Variants in MSI2 observed in about 807,000 individuals in gnomAD.
The protein encoded by MSI2 is RNA-binding protein Musashi homolog 2.
MSI2 carries 17 observed loss-of-function variants against 45.6 expected under a neutral mutation model. That is an observed-to-expected ratio of 0.37 (90% confidence interval 0.26 to 0.56). MSI2 has a LOEUF of 0.56. Ranked by LOEUF, MSI2 falls within the 20% of genes least tolerant of loss-of-function variation. The probability of loss-of-function intolerance (pLI) is 0.77; values close to 1 mark genes in which losing one functional copy is unlikely to be tolerated. For synonymous variants in MSI2, 156 were observed against 158.2 expected, an observed-to-expected ratio of 0.99 and a Z score of 0.11; for missense variants, 293 against 444.2, an observed-to-expected ratio of 0.66 and a Z score of 3.06.
intron 6 of MSI2, among the ~76,000 whole-genome samples, chr17:57,526,182 G>A (rs1002560702): frequency 6.6e-6 from 1 of 152,080 alleles, no homozygotes. Flanking sequence ...CCAAGATCAT[G>A]CCATTGCACT....
chr17:57,504,862 C>T lies in MSI2; in HGVS notation c.406-24814C>T, dbSNP rs148574268. ...AGGAGAGTTGCTTGAATCTGGGAGGCGGAGGTTGTGGTGAGCCGAGATCAC... is the reference window on the plus strand; with the variant it reads ...AGGAGAGTTGCTTGAATCTGGGAGGTGGAGGTTGTGGTGAGCCGAGATCAC... On this transcript the variant is annotated intron_variant, in intron 6 of 13. Coordinates refer to ENST00000284073, the MANE Select transcript of MSI2 (RefSeq NM_138962.4). 7.7e-5 allele frequency among the ~76,000 whole-genome samples: 11 copies of T among 143,672 alleles called. No homozygotes were observed. The East Asian group carries it at 2.3e-3, about 30-fold the overall frequency. 94.3% of individuals were successfully genotyped at this position (143,672 alleles called of 152,430 possible).
chr17:57,561,173 C>T (rs1477464938), intron 7 of MSI2, among the ~76,000 whole-genome samples: 2 of 152,168 alleles, frequency 1.3e-5, no homozygotes, highest in Non-Finnish European at 2.9e-5. Context: ...CCAGAAGAAA[C>T]CAAGCGAAGT....
intron 6 of MSI2, among the ~76,000 whole-genome samples, chr17:57,424,151 T>C (rs762867682): frequency 2.0e-5 from 3 of 152,230 alleles, no homozygotes; most frequent in Non-Finnish European, 4.4e-5. Context: ...GAGCTTGTTA[T>C]TACCTGGAAA....
At chr17:57,300,407 T>G (rs532180707) in intron 5 of MSI2, among the ~76,000 whole-genome samples, 4 of 152,318 alleles carry the variant, frequency 2.6e-5, no homozygotes, top group Admixed American at 6.5e-5. Context: ...AGTAAAGGTT[T>G]CCGTAGGGCT....
intron 11 of MSI2, among the ~76,000 whole-genome samples, chr17:57,671,175 G>A (rs1164718726): frequency 6.6e-6 from 1 of 152,114 alleles, no homozygotes. Flanking sequence ...CCTGATCACC[G>A]CAATGAGCCC....
chr17:57,686,337 A>C (rs1913881119), downstream of MSI2, among the ~76,000 whole-genome samples: 1 of 152,364 alleles, frequency 6.6e-6, no homozygotes, highest in South Asian at 2.1e-4. Flanking sequence ...AATAGAAAAC[A>C]AATCAGCAAA....
At chr17:57,328,789 A>G (rs932523524) in intron 5 of MSI2, among the ~76,000 whole-genome samples, 3 of 151,054 alleles carry the variant, frequency 2.0e-5, no homozygotes, top group Non-Finnish European at 4.4e-5. Flanking sequence ...ACATTCCTCT[A>G]TATGGAATAG....
chr17:57,427,974 A>AT (rs2143353558), intron 6 of MSI2, among the ~76,000 whole-genome samples: 1 of 152,288 alleles, frequency 6.6e-6, no homozygotes, highest in South Asian at 2.1e-4. Flanking sequence ...TAGATTAGCT[A>AT]TATAGACATA....
At chr17:57,555,675 C>T (rs1293780875) in intron 7 of MSI2, among the ~76,000 whole-genome samples, 1 of 152,226 alleles carries the variant, frequency 6.6e-6, no homozygotes, top group Non-Finnish European at 1.5e-5. Flanking sequence ...ATCTTAACTG[C>T]AGGAGACCAT....
intron 6 of MSI2, among the ~76,000 whole-genome samples, chr17:57,464,744 C>G (rs2085299877): frequency 6.6e-6 from 1 of 152,210 alleles, no homozygotes; most frequent in Non-Finnish European, 1.5e-5. Flanking sequence ...GTTCCTGTCC[C>G]TTCCTCTTTT....
At chr17:57,383,984 T>C (rs1301961383) in intron 5 of MSI2, among the ~76,000 whole-genome samples, 1 of 152,210 alleles carries the variant, frequency 6.6e-6, no homozygotes, top group Non-Finnish European at 1.5e-5. Context: ...AGATCCATCA[T>C]GGGAAGTGTG....
At chr17:57,666,289 G>C (rs1912357035) in intron 11 of MSI2, among the ~76,000 whole-genome samples, 1 of 152,222 alleles carries the variant, frequency 6.6e-6, no homozygotes, top group African/African-American at 2.4e-5. Flanking sequence ...TTTCCTAGCT[G>C]TTCAAACCCT....
At chr17:57,290,023 G>T (rs1352471763) in intron 5 of MSI2, among the ~76,000 whole-genome samples, 2 of 152,212 alleles carry the variant, frequency 1.3e-5, no homozygotes, top group African/African-American at 2.4e-5. Flanking sequence ...AGTTGGAGAG[G>T]GTGTGGGGAG....
At chr17:57,688,459 A>G (rs76307774), downstream of MSI2, among the ~76,000 whole-genome samples, 2,431 of 152,216 alleles carry the variant, frequency 0.016, 52 homozygotes, top group African/African-American at 0.054. Context: ...ATAATGGTTG[A>G]ATTCCCCATC....
At chr17:57,561,732 T>C (rs2087580875) in intron 7 of MSI2, among the ~76,000 whole-genome samples, 1 of 152,110 alleles carries the variant, frequency 6.6e-6, no homozygotes, top group East Asian at 1.9e-4. Context: ...CCAAGAGCAG[T>C]CTCTGCCGCC....
At position 57,615,960 on chromosome 17, in the gene MSI2, T is replaced by C. The variant is rs908446276; in HGVS notation, c.538-10T>C. On this transcript the variant is annotated splice_polypyrimidine_tract_variant and intron_variant, in intron 8 of 13. Coordinates refer to ENST00000284073, the MANE Select transcript of MSI2 (RefSeq NM_138962.4). ...TTTGCATCTCATTTGTTCGCCTTTCTGTTTAACAGGTAGAATGTAAGAAAG... is the reference window on the plus strand; with the variant it reads ...TTTGCATCTCATTTGTTCGCCTTTCCGTTTAACAGGTAGAATGTAAGAAAG... 6.2e-7 allele frequency: 1 copy of C among 1,603,636 alleles called. No homozygotes were observed. Among genetic ancestry groups the C allele is most frequent in the African/African-American group, 1.3e-5 (1 of 74,688 alleles).
intron 12 of MSI2, 120 bp downstream of exon 12, chr17:57,675,246 C>T: frequency 1.0e-6 from 1 of 975,980 alleles, no homozygotes; most frequent in Non-Finnish European, 1.5e-6. Flanking sequence ...GGGTCCCCAT[C>T]AACATCACAC....
At chr17:57,339,522 T>G (rs1034000253) in intron 5 of MSI2, among the ~76,000 whole-genome samples, 3 of 152,142 alleles carry the variant, frequency 2.0e-5, no homozygotes, top group Admixed American at 2.0e-4. Flanking sequence ...GGCACGGACT[T>G]GCCCTGCTGT....
chr17:57,313,613 GA>G, intron 5 of MSI2, among the ~76,000 whole-genome samples: 1 of 152,240 alleles, frequency 6.6e-6, no homozygotes, highest in Non-Finnish European at 1.5e-5. Context: ...TGCCTAGTGG[GA>G]AACAAGAGTA....
Sources: allele counts gnomAD v4.1 joint callset (sites outside exome capture counted in the v4.1 genomes callset), GRCh38; gene constraint gnomAD v4.1.1; transcripts MANE v1.5; gene names NCBI Gene and HGNC (gene_info 2026-07-23, HGNC 2026-07-21).